Variants in MYO1D observed in about 807,000 individuals in gnomAD.
MYO1D encodes the protein myosin ID.
A neutral mutation model predicts 122.0 loss-of-function variants in MYO1D; 83 were observed. The ratio of observed to expected loss-of-function variants is 0.68; its 90% confidence interval spans 0.57 to 0.82. The LOEUF is 0.82. MYO1D is among the 40% of genes least tolerant of loss of function. The pLI, the probability that MYO1D is intolerant of heterozygous loss-of-function variation, is 0.00. For synonymous variants in MYO1D, 464 were observed against 446.9 expected (o/e 1.04, Z -0.48); for missense variants, 1,157 against 1,269.5 (o/e 0.91, Z 1.35).
At chr17:32,704,910 A>G (rs1199207296) in intron 16 of MYO1D, among the ~76,000 whole-genome samples, 2 of 152,118 alleles carry the variant, frequency 1.3e-5, no homozygotes, top group East Asian at 1.9e-4. Flanking sequence ...ATAAAATAAC[A>G]TATTTTAAAT....
intron 15 of MYO1D, among the ~76,000 whole-genome samples, chr17:32,715,025 C>CA (rs1215845230): frequency 1.3e-5 from 2 of 151,870 alleles, no homozygotes; most frequent in African/African-American, 4.8e-5. Flanking sequence ...AGACACTTCT[C>CA]AAAAAAAGAC....
intron 12 of MYO1D, among the ~76,000 whole-genome samples, chr17:32,746,703 A>G (rs1317044686): frequency 1.3e-5 from 2 of 152,196 alleles, no homozygotes; most frequent in Non-Finnish European, 2.9e-5. Context: ...CACATAGAAG[A>G]TACTCAGTAA....
At position 32,638,898 on chromosome 17, in the gene MYO1D, T is replaced by C. The variant is rs144016856; in HGVS notation, c.2596-63A>G. On this transcript the variant is annotated intron_variant, in intron 19 of 21. Transcript: ENST00000318217. Reference sequence around the variant, plus strand: ...CAATAAGGAAATCAAGTTGGCTGATTGTGAAGACAAATTCTTTAATAGATG... The same window carrying C: ...CAATAAGGAAATCAAGTTGGCTGATCGTGAAGACAAATTCTTTAATAGATG... 1.5e-5 allele frequency: 17 copies of C among 1,131,858 alleles called. No homozygotes were observed. The African/African-American group carries it at 2.3e-4, about 15-fold the overall frequency. The allele number at this position is 1,131,858 out of a possible 1,614,324, so 70.1% of individuals were successfully genotyped here.
chr17:32,604,673 T>C (rs553198255), intron 21 of MYO1D, among the ~76,000 whole-genome samples: 50 of 152,368 alleles, frequency 3.3e-4, no homozygotes, highest in Admixed American at 2.9e-3. Context: ...CTTGTAGTCT[T>C]CATGGACTTG....
At chr17:32,867,302 G>A (rs1290462229) in intron 1 of MYO1D, among the ~76,000 whole-genome samples, 1 of 150,104 alleles carries the variant, frequency 6.7e-6, no homozygotes, top group African/African-American at 2.5e-5. Flanking sequence ...CTTCAGCCCA[G>A]GTGATAGTGT....
chr17:32,772,919 C>T, intron 4 of MYO1D, 77 bp from the exon 5 acceptor site: 1 of 1,185,802 alleles, frequency 8.4e-7, no homozygotes, highest in South Asian at 1.2e-5. Flanking sequence ...TCTTAGGGAA[C>T]TGTCAGGCCT....
chr17:32,857,616 C>T (rs2091038330), intron 1 of MYO1D, among the ~76,000 whole-genome samples: 1 of 151,112 alleles, frequency 6.6e-6, no homozygotes, highest in African/African-American at 2.4e-5. Context: ...ACTCCTTTAA[C>T]CCTATCAGAC....
At chr17:32,519,288 G>A (rs1264184254) in intron 21 of MYO1D, 1 of 152,332 alleles carries the variant, frequency 6.6e-6, no homozygotes, top group Admixed American at 6.5e-5. Flanking sequence ...AGGCCGGGTG[G>A]GGGTGGCGGC....
chr17:32,539,334 T>C (rs1465151817), intron 21 of MYO1D, among the ~76,000 whole-genome samples: 2 of 150,950 alleles, frequency 1.3e-5, no homozygotes, highest in Admixed American at 6.6e-5. Flanking sequence ...CAGAGCAGCA[T>C]GTTATCTTTT....
At chr17:32,620,521 A>T (rs1047412513) in intron 20 of MYO1D, among the ~76,000 whole-genome samples, 6 of 152,160 alleles carry the variant, frequency 3.9e-5, no homozygotes, top group Non-Finnish European at 8.8e-5. Flanking sequence ...TGGGATAGAA[A>T]GGAGGCAAAA....
At chr17:32,768,048 A>T (rs1017925986) in intron 6 of MYO1D, among the ~76,000 whole-genome samples, 1 of 152,214 alleles carries the variant, frequency 6.6e-6, no homozygotes, top group Admixed American at 6.5e-5. Context: ...CCACTCCATG[A>T]TCAGTGAAGG....
chr17:32,532,999 T>C (rs1300268354), intron 21 of MYO1D, among the ~76,000 whole-genome samples: 1 of 152,190 alleles, frequency 6.6e-6, no homozygotes, highest in East Asian at 1.9e-4. Flanking sequence ...AATAAGATCA[T>C]GATGGCTTTA....
chr17:32,777,860 G>A (rs1008929240), intron 3 of MYO1D, among the ~76,000 whole-genome samples: 8 of 152,182 alleles, frequency 5.3e-5, no homozygotes, highest in African/African-American at 1.9e-4. Context: ...CATGAACCCG[G>A]GAGGCGGAGC....
chr17:32,717,142 G>T (rs375766899), intron 15 of MYO1D, among the ~76,000 whole-genome samples: 1 of 152,204 alleles, frequency 6.6e-6, no homozygotes, highest in Non-Finnish European at 1.5e-5. Context: ...TCCTCAAGTG[G>T]TTGTCAGTTC....
intron 1 of MYO1D, among the ~76,000 whole-genome samples, chr17:32,843,141 C>A (rs999305865): frequency 5.3e-5 from 8 of 152,098 alleles, no homozygotes; most frequent in Admixed American, 4.6e-4. Context: ...CCGCCCGCCT[C>A]GGCCTCCCAA....
chr17:32,502,298 G>C (rs2150853523), intron 21 of MYO1D, among the ~76,000 whole-genome samples: 1 of 152,312 alleles, frequency 6.6e-6, no homozygotes, highest in South Asian at 2.1e-4. Context: ...CTAAGTGAAA[G>C]GTGGCAGACA....
At chr17:32,639,362 T>TG (rs759766507) in intron 19 of MYO1D, among the ~76,000 whole-genome samples, 26,200 of 90,918 alleles carry the variant, frequency 0.29, 2,912 homozygotes, top group Middle Eastern at 0.35. Context: ...TGGGAGAAAT[T>TG]TTGTGTGTGT....
At chr17:32,829,017 A>AC in intron 1 of MYO1D, among the ~76,000 whole-genome samples, 1 of 152,360 alleles carries the variant, frequency 6.6e-6, no homozygotes, top group Non-Finnish European at 1.5e-5. Context: ...ACACTGCCTC[A>AC]ATTCCACACA....
intron 1 of MYO1D, among the ~76,000 whole-genome samples, chr17:32,798,802 G>A (rs1410266433): frequency 1.3e-5 from 2 of 152,148 alleles, no homozygotes; most frequent in African/African-American, 4.8e-5. Context: ...TTTAAATGAT[G>A]GTTGAGATAT....
Sources: gnomAD v4.1 joint callset for allele counts (sites outside exome capture counted in the v4.1 genomes callset) on GRCh38, gnomAD v4.1.1 for gene constraint, MANE v1.5 for transcripts, NCBI Gene and HGNC (gene_info 2026-07-23, HGNC 2026-07-21) for gene names.